The following CNTN4 variants were observed in gnomAD, a reference collection of about 807,000 sequenced individuals.
CNTN4 encodes contactin-4.
In CNTN4, 77 loss-of-function variants were observed where a neutral mutation model predicts 122.5. The ratio of observed to expected loss-of-function variants is 0.63; its 90% CI spans 0.52 to 0.76. The LOEUF (loss-of-function observed/expected upper bound fraction) is 0.76. Ranked by LOEUF, CNTN4 falls within the 30% of genes least tolerant of loss-of-function variation. The pLI is 0.00. For synonymous variants in CNTN4, 512 were observed against 447.0 expected (o/e 1.15, Z -1.83); for missense variants, 1,256 against 1,259.1 (o/e 1.00, Z 0.04).
chr3:2,912,938 G>A (rs977599644), intron 12 of CNTN4, among the ~76,000 whole-genome samples: 2 of 152,162 alleles, frequency 1.3e-5, no homozygotes, highest in South Asian at 4.1e-4. Context: ...CATCACTTGA[G>A]GCCAGGAGTT....
At chr3:2,582,120 C>G (rs562113435) in intron 4 of CNTN4, among the ~76,000 whole-genome samples, 95 of 152,278 alleles carry the variant, frequency 6.2e-4, no homozygotes, top group South Asian at 2.3e-3. Context: ...CTTAACTGTA[C>G]ATTTTAAAAG....
intron 3 of CNTN4, among the ~76,000 whole-genome samples, chr3:2,415,958 A>C (rs1478220655): frequency 1.3e-5 from 2 of 152,054 alleles, no homozygotes; most frequent in Admixed American, 6.6e-5. Flanking sequence ...ACTCTTAACT[A>C]CCGGGCAGAT....
At chr3:2,755,554 A>C (rs2090297580) in intron 6 of CNTN4, among the ~76,000 whole-genome samples, 2 of 152,216 alleles carry the variant, frequency 1.3e-5, no homozygotes, top group Non-Finnish European at 2.9e-5. Context: ...ATTAATGGTG[A>C]TAATGGGTGT....
intron 14 of CNTN4, among the ~76,000 whole-genome samples, chr3:3,006,647 G>T (rs537009588): frequency 6.6e-6 from 1 of 152,160 alleles, no homozygotes; most frequent in African/African-American, 2.4e-5. Context: ...GAGCAAATTA[G>T]TAAGCAGCAG....
intron 3 of CNTN4, among the ~76,000 whole-genome samples, chr3:2,485,384 G>T (rs1389666233): frequency 3.3e-5 from 5 of 152,254 alleles, no homozygotes; most frequent in Non-Finnish European, 7.3e-5. Flanking sequence ...CCTGAGTCTA[G>T]TGGGGACTTG....
intron 3 of CNTN4, among the ~76,000 whole-genome samples, chr3:2,503,773 CA>C (rs1284079382): frequency 2.0e-5 from 3 of 151,964 alleles, no homozygotes; most frequent in African/African-American, 4.8e-5. Context: ...GGAAAAATAG[CA>C]TGGATTTTTC....
chr3:2,665,211 T>G (rs1352594895), intron 4 of CNTN4, among the ~76,000 whole-genome samples: 1 of 152,226 alleles, frequency 6.6e-6, no homozygotes, highest in Non-Finnish European at 1.5e-5. Flanking sequence ...CTTGCATCAT[T>G]CTTGTGAGTT....
At chr3:2,225,037 C>G (rs2039219820) in intron 2 of CNTN4, among the ~76,000 whole-genome samples, 1 of 151,686 alleles carries the variant, frequency 6.6e-6, no homozygotes, top group South Asian at 2.1e-4. Context: ...GTAGTCCCAG[C>G]TACTCGGGAG....
At chr3:2,721,813 C>T (rs2087873914) in intron 4 of CNTN4, among the ~76,000 whole-genome samples, 1 of 152,090 alleles carries the variant, frequency 6.6e-6, no homozygotes, top group South Asian at 2.1e-4. Context: ...AAGTTTTGTC[C>T]CCATTAAGTT....
intron 2 of CNTN4, among the ~76,000 whole-genome samples, chr3:2,212,696 C>G (rs1229670591): frequency 6.6e-6 from 1 of 152,208 alleles, no homozygotes; most frequent in African/African-American, 2.4e-5. Context: ...TTTAAATAAA[C>G]TTTAATTTAG....
chr3:2,446,431 T>C (rs1037471423), intron 3 of CNTN4, among the ~76,000 whole-genome samples: 1 of 152,338 alleles, frequency 6.6e-6, no homozygotes, highest in African/African-American at 2.4e-5. Flanking sequence ...TCCAGAGTTT[T>C]AGAGAATTTT....
intron 2 of CNTN4, among the ~76,000 whole-genome samples, chr3:2,124,665 A>G (rs781286750): frequency 2.0e-5 from 3 of 151,912 alleles, no homozygotes; most frequent in East Asian, 1.9e-4. Flanking sequence ...TCCCAGCTAC[A>G]TGGGAGGCTG....
At chr3:2,686,588 A>G (rs966950557) in intron 4 of CNTN4, among the ~76,000 whole-genome samples, 18 of 152,176 alleles carry the variant, frequency 1.2e-4, no homozygotes, top group Admixed American at 3.9e-4. Context: ...ACATTATACA[A>G]TGATCACCAC....
At chr3:2,244,371 G>A (rs1225528989) in intron 2 of CNTN4, among the ~76,000 whole-genome samples, 1 of 152,052 alleles carries the variant, frequency 6.6e-6, no homozygotes, top group African/African-American at 2.4e-5. Context: ...ACTGCTGTAT[G>A]TGTTGTAGAG....
intron 4 of CNTN4, among the ~76,000 whole-genome samples, chr3:2,592,089 C>T (rs2080522688): frequency 6.6e-6 from 1 of 151,928 alleles, no homozygotes; most frequent in African/African-American, 2.4e-5. Flanking sequence ...CTTTGTTTCC[C>T]AGGCGCATCT....
At chr3:2,484,491 AGGACCCT>A (rs1315944589) in intron 3 of CNTN4, among the ~76,000 whole-genome samples, 1 of 152,130 alleles carries the variant, frequency 6.6e-6, no homozygotes, top group Admixed American at 6.5e-5. Context: ...ATTCCATGTG[AGGACCCT>A]GGAAGCAATT....
intron 6 of CNTN4, among the ~76,000 whole-genome samples, chr3:2,787,333 G>T (rs547442915): frequency 6.6e-6 from 1 of 152,230 alleles, no homozygotes; most frequent in South Asian, 2.1e-4. Flanking sequence ...CCGAGATCAT[G>T]CCACTGCTCT....
At chr3:2,238,641 T>C (rs1484293306) in intron 2 of CNTN4, among the ~76,000 whole-genome samples, 1 of 151,492 alleles carries the variant, frequency 6.6e-6, no homozygotes, top group African/African-American at 2.4e-5. Flanking sequence ...ATGTTAAAAA[T>C]CCGAATGTTG....
intron 4 of CNTN4, among the ~76,000 whole-genome samples, chr3:2,606,647 A>C (rs2081273015): frequency 6.6e-6 from 1 of 152,172 alleles, no homozygotes; most frequent in African/African-American, 2.4e-5. Context: ...TTTTGTTTTT[A>C]AAGTGAAATA....
Sources: gnomAD v4.1 joint callset for allele counts (sites outside exome capture counted in the v4.1 genomes callset) on GRCh38, gnomAD v4.1.1 for gene constraint, MANE v1.5 for transcripts, NCBI Gene and HGNC (gene_info 2026-07-23, HGNC 2026-07-21) for gene names.